The following CTNNA2 variants were observed in gnomAD, a reference collection of about 807,000 sequenced individuals.
CTNNA2 encodes the protein catenin alpha 2.
In CTNNA2, 42 loss-of-function variants were observed where a neutral mutation model predicts 101.0. The observed-to-expected ratio is 0.42, with a 90% confidence interval of 0.32 to 0.54. The LOEUF (loss-of-function observed/expected upper bound fraction) is 0.54, where lower values mean the gene tolerates loss of function less well. Among genes scored for constraint, CTNNA2 ranks in the 20% least tolerant of loss-of-function variants. CTNNA2 has a pLI of 0.14. For missense variants in CTNNA2, 871 were observed against 1,223.1 expected (o/e 0.71, Z 4.29); for synonymous variants, 450 against 456.4 (o/e 0.99, Z 0.18).
intron 7 of CTNNA2, among the ~76,000 whole-genome samples, chr2:80,373,759 C>T (rs867311758): frequency 1.6e-4 from 24 of 152,268 alleles, no homozygotes; most frequent in African/African-American, 5.5e-4. Context: ...GAAACCTGCT[C>T]CTGGGCTTGG....
chr2:79,674,380 G>A (rs1434985347), intron 2 of CTNNA2, among the ~76,000 whole-genome samples: 1 of 152,110 alleles, frequency 6.6e-6, no homozygotes. Flanking sequence ...GCTGATTGGA[G>A]CCACCTCTGT....
intron 7 of CTNNA2, among the ~76,000 whole-genome samples, chr2:80,307,302 C>T (rs2149219636): frequency 6.6e-6 from 1 of 151,880 alleles, no homozygotes; most frequent in African/African-American, 2.4e-5. Flanking sequence ...TAAAGCATAC[C>T]AGCACTGATT....
At chr2:80,273,136 C>CTGTTT (rs1224714556) in intron 7 of CTNNA2, among the ~76,000 whole-genome samples, 1 of 152,160 alleles carries the variant, frequency 6.6e-6, no homozygotes, top group African/African-American at 2.4e-5. Context: ...AATGCAGTCA[C>CTGTTT]TGTTTTATTT....
At chr2:80,299,725 T>G (rs1676072158) in intron 7 of CTNNA2, 1 of 152,172 alleles carries the variant, frequency 6.6e-6, no homozygotes, top group Admixed American at 6.5e-5. Flanking sequence ...AAAAATGTCT[T>G]GGGGATAGGA....
intron 7 of CTNNA2, among the ~76,000 whole-genome samples, chr2:80,322,936 A>C (rs571672999): frequency 1.3e-5 from 2 of 152,280 alleles, no homozygotes; most frequent in African/African-American, 4.8e-5. Context: ...TTGCCATTCC[A>C]GGCATCACTG....
At chr2:79,582,296 A>C (rs1006014313) in intron 1 of CTNNA2, among the ~76,000 whole-genome samples, 1 of 152,246 alleles carries the variant, frequency 6.6e-6, no homozygotes, top group African/African-American at 2.4e-5. Flanking sequence ...TTTAAGTTTT[A>C]ATTTTAAATG....
rs1393688641 is a variant in CTNNA2 at position 79,287,774 on chromosome 2, A to G, written c.-405-24935A>G. On this transcript the variant is annotated intron_variant, in intron 2 of 21. Coordinates refer to the CTNNA2 transcript ENST00000466387. ...GCCTCCTTGAGCTGTGGTGGGCTCCACCCAGTTCCAGCTTCCCGGCTGCTT... is the reference window on the plus strand; with the variant it reads ...GCCTCCTTGAGCTGTGGTGGGCTCCGCCCAGTTCCAGCTTCCCGGCTGCTT... Among the ~76,000 whole-genome samples, 5 of 152,268 alleles carry G rather than the reference A, an allele frequency of 3.3e-5. No homozygotes were observed. The South Asian group carries it at 1.0e-3, about 32-fold the overall frequency.
At chr2:80,117,376 G>C (rs1326226689) in intron 7 of CTNNA2, among the ~76,000 whole-genome samples, 1 of 151,774 alleles carries the variant, frequency 6.6e-6, no homozygotes, top group Non-Finnish European at 1.5e-5. Flanking sequence ...CACCTACCTA[G>C]AGTTTCCCTG....
At chr2:79,738,524 G>C (rs1671059569) in intron 2 of CTNNA2, among the ~76,000 whole-genome samples, 1 of 152,280 alleles carries the variant, frequency 6.6e-6, no homozygotes, top group East Asian at 1.9e-4. Context: ...GAGGGATAGA[G>C]ATAAAGATGG....
chr2:80,575,926 T>C (rs1695000829), intron 13 of CTNNA2, among the ~76,000 whole-genome samples: 1 of 152,180 alleles, frequency 6.6e-6, no homozygotes, highest in Non-Finnish European at 1.5e-5. Context: ...GTACAGTATG[T>C]ACAAATTGTT....
At chr2:79,743,527 AT>A (rs1222930882) in intron 2 of CTNNA2, among the ~76,000 whole-genome samples, 7 of 146,312 alleles carry the variant, frequency 4.8e-5, no homozygotes, top group African/African-American at 1.8e-4. Context: ...CATTTTATTT[AT>A]TTTATTTATT....
At chr2:80,309,336 G>A (rs575051379) in intron 7 of CTNNA2, among the ~76,000 whole-genome samples, 26 of 152,122 alleles carry the variant, frequency 1.7e-4, no homozygotes, top group Non-Finnish European at 3.2e-4. Context: ...AACTGACTCC[G>A]AGGCCCCTGC....
chr2:80,302,628 C>A lies in CTNNA2; in HGVS notation c.1057-90583C>A, dbSNP rs1375448789. On this transcript the variant is annotated intron_variant, in intron 7 of 18. Coordinates refer to ENST00000402739, the MANE Select transcript of CTNNA2 (RefSeq NM_001282597.3). The surrounding 1 kb of genome is among the most constrained non-coding windows in gnomAD (Gnocchi z 6.4). ...AATGTGCCGTCGTGCTGCCCCTCCC[C>A]GCCGTCCGCGAGCGTGGTGGCCGAG... 6.2e-7 allele frequency: 1 copy of A among 1,606,512 alleles called. No homozygotes were observed. Among genetic ancestry groups the A allele is most frequent in the East Asian group, 2.2e-5 (1 of 44,802 alleles).
At chr2:79,221,247 G>A (rs1057440217) in intron 2 of CTNNA2, among the ~76,000 whole-genome samples, 1 of 152,168 alleles carries the variant, frequency 6.6e-6, no homozygotes, top group African/African-American at 2.4e-5. Flanking sequence ...AAGCTCCTGG[G>A]CTCTGGCGAT....
At chr2:80,144,196 C>T (rs914264534) in intron 7 of CTNNA2, among the ~76,000 whole-genome samples, 3 of 152,042 alleles carry the variant, frequency 2.0e-5, no homozygotes, top group Non-Finnish European at 4.4e-5. Context: ...ATTAGTGCAG[C>T]GGGTTACAGT....
intron 12 of CTNNA2, among the ~76,000 whole-genome samples, chr2:80,571,139 C>T (rs1362943225): frequency 1.3e-5 from 2 of 152,158 alleles, no homozygotes; most frequent in African/African-American, 4.8e-5. Flanking sequence ...ACACCATAAC[C>T]TTTTTCACCC....
intron 2 of CTNNA2, among the ~76,000 whole-genome samples, chr2:79,682,605 A>T (rs970361790): frequency 1.3e-5 from 2 of 152,252 alleles, no homozygotes; most frequent in African/African-American, 4.8e-5. Flanking sequence ...AACAATCTAG[A>T]ATTATAAATG....
chr2:79,730,728 A>G (rs866313231), intron 2 of CTNNA2, among the ~76,000 whole-genome samples: 1 of 152,026 alleles, frequency 6.6e-6, no homozygotes, highest in Admixed American at 6.6e-5. Flanking sequence ...TTTTAAAAAT[A>G]TGTGTCATAT....
At chr2:80,246,396 G>T (rs114393489) in intron 7 of CTNNA2, among the ~76,000 whole-genome samples, 36 of 152,284 alleles carry the variant, frequency 2.4e-4, no homozygotes, top group Non-Finnish European at 4.4e-4. Context: ...CTTTTTCAAG[G>T]TTATTGTTGC....
Sources: gnomAD v4.1 joint callset for allele counts (sites outside exome capture counted in the v4.1 genomes callset) on GRCh38, gnomAD v4.1.1 for gene constraint, Gnocchi (gnomAD v3.1) non-coding constraint, MANE v1.5 for transcripts, NCBI Gene and HGNC (gene_info 2026-07-23, HGNC 2026-07-21) for gene names.